The following CFAP43 variants were observed in gnomAD, a reference collection of about 807,000 sequenced individuals.
CFAP43 encodes cilia- and flagella-associated protein 43.
A neutral mutation model predicts 218.9 loss-of-function variants in CFAP43; 155 were observed. The observed-to-expected ratio is 0.71, with a 90% CI of 0.62 to 0.81. CFAP43 has a LOEUF of 0.81. Ranked by LOEUF, CFAP43 falls within the 30% of genes least tolerant of loss-of-function variation. The pLI is 0.00. For missense variants in CFAP43, 1,778 were observed against 1,954.3 expected (o/e 0.91, Z 1.70); for synonymous variants, 645 against 681.3 (o/e 0.95, Z 0.83).
rs141393531 is a variant in CFAP43, at chr10:104,144,986, T to C, written c.3944+490A>G. ...ACGCTGCTTACTCTGTTTCTTACACTTGGAGATCCAAAGGCCAATAATACA... is the reference window on the plus strand; with the variant it reads ...ACGCTGCTTACTCTGTTTCTTACACCTGGAGATCCAAAGGCCAATAATACA... On this transcript the variant is annotated intron_variant, in intron 31 of 37. Transcript: ENST00000357060. Among the ~76,000 whole-genome samples the C allele has an allele frequency of 1.3e-3, 193 of 152,334 alleles. 1 individual carries two copies. Among genetic ancestry groups the C allele is most frequent in the African/African-American group, 4.5e-3 (189 of 41,578 alleles).
At chr10:104,169,771 C>T (rs2134838915) in intron 20 of CFAP43, among the ~76,000 whole-genome samples, 1 of 152,010 alleles carries the variant, frequency 6.6e-6, no homozygotes, top group South Asian at 2.1e-4. Flanking sequence ...TGATTCTGAT[C>T]CAGTGAGTTA....
At chr10:104,216,090 C>T (rs1262883197) in intron 3 of CFAP43, among the ~76,000 whole-genome samples, 1 of 152,216 alleles carries the variant, frequency 6.6e-6, no homozygotes, top group Admixed American at 6.5e-5. Flanking sequence ...TCTCTCCCCT[C>T]TCCTCAGAGT....
intron 17 of CFAP43, among the ~76,000 whole-genome samples, chr10:104,180,739 G>A (rs547913527): frequency 1.3e-4 from 20 of 152,016 alleles, no homozygotes; most frequent in South Asian, 1.0e-3. Context: ...GCCAACCACC[G>A]TCCCCGCCGG....
intron 16 of CFAP43, among the ~76,000 whole-genome samples, chr10:104,184,162 C>A (rs1193389804): frequency 6.6e-6 from 1 of 152,210 alleles, no homozygotes; most frequent in African/African-American, 2.4e-5. Context: ...TCTAGTCTCA[C>A]AGGCTGGATG....
At position 104,147,914 on chromosome 10, in the gene CFAP43, G is replaced by C; in HGVS notation, c.3745C>G (p.Leu1249Val). ...SSREKFLNNY[L>V]TRKQHEKSQT... ...ACTTTCTCGTGCTGTTTCCTTGTAAGGTAGTTGTTCAGGAATTTTTCTCTA... is the reference window on the plus strand; with the variant it reads ...ACTTTCTCGTGCTGTTTCCTTGTAACGTAGTTGTTCAGGAATTTTTCTCTA... The change falls in exon 29 of 38, where the codon CTT (leucine) becomes GTT (valine). Residue 1249 changes from leucine (L) to valine (V), a missense_variant. By Grantham distance (32) the Leu-to-Val change is conservative (BLOSUM62 1). This residue lies in a region of CFAP43 where 1,553 missense variants were observed against 1,685.2 expected (regional missense o/e 0.92). Transcript: ENST00000357060. The C allele has an allele frequency of 6.3e-7, 1 of 1,598,398 alleles. No individual in the cohort carries two copies. The highest frequency in any genetic ancestry group is 1.3e-5 in the African/African-American group (1 of 74,230).
intron 27 of CFAP43, among the ~76,000 whole-genome samples, chr10:104,160,027 A>G (rs1221175494): frequency 6.6e-6 from 1 of 152,166 alleles, no homozygotes. Context: ...CCCAGTCAAT[A>G]GTTTTTCTTT....
chr10:104,189,058 A>G (rs980508843), intron 12 of CFAP43, among the ~76,000 whole-genome samples: 10 of 151,866 alleles, frequency 6.6e-5, no homozygotes, highest in African/African-American at 2.4e-4. Flanking sequence ...CATAAACTCA[A>G]TCTCAACTTT....
chr10:104,147,774 G>A, intron 29 of CFAP43, 117 bp downstream of exon 29: 1 of 549,970 alleles, frequency 1.8e-6, no homozygotes, highest in Admixed American at 4.0e-5. Flanking sequence ...GGATGCACAT[G>A]GTTATGTAGG....
intron 28 of CFAP43, among the ~76,000 whole-genome samples, chr10:104,151,855 T>C (rs1004203214): frequency 6.6e-6 from 1 of 152,200 alleles, no homozygotes; most frequent in African/African-American, 2.4e-5. Context: ...TCCCAGGATT[T>C]TTATAGTTTG....
rs776193577 is a variant in CFAP43 at position 104,227,835 on chromosome 10, C to CTTTT, written c.320-2282_320-2279dup. ...CTCCTCTATTCTACCATGTTTTCTA[C>CTTTT]TTTTTTTTTTTTTTTTTTTTTTTTT... On this transcript the variant is annotated intron_variant, in intron 2 of 37. Coordinates refer to ENST00000357060, the MANE Select transcript of CFAP43 (RefSeq NM_025145.7). Among the ~76,000 whole-genome samples, 59 of 58,366 alleles carry CTTTT rather than the reference C, an allele frequency of 1.0e-3. 3 individuals are homozygous for CTTTT. The highest frequency in any genetic ancestry group is 1.3e-3 in the Non-Finnish European group (43 of 32,776). 38.3% of individuals were successfully genotyped at this position (58,366 alleles called of 152,430 possible). A position where few individuals can be genotyped will look rare whatever the true frequency, so the allele number is the denominator to read the frequency against.
chr10:104,165,944 G>A (rs141745612), intron 23 of CFAP43, among the ~76,000 whole-genome samples: 5 of 152,292 alleles, frequency 3.3e-5, no homozygotes, highest in African/African-American at 4.8e-5. Context: ...AGCTGTTGTG[G>A]AATGTTCTTT....
chr10:104,177,593 T>C (rs992732602), intron 19 of CFAP43, among the ~76,000 whole-genome samples: 1 of 152,084 alleles, frequency 6.6e-6, no homozygotes, highest in Non-Finnish European at 1.5e-5. Flanking sequence ...ATTGCTACTG[T>C]CCATAAAGGC....
At position 104,218,429 on chromosome 10, in the gene CFAP43, A is replaced by G. The variant is rs181159146; in HGVS notation, c.417-4003T>C. Among the ~76,000 whole-genome samples, 250 of 151,912 alleles carry G rather than the reference A, an allele frequency of 1.6e-3. 1 individual carries two copies. Among genetic ancestry groups the G allele is most frequent in the African/African-American group, 5.8e-3 (239 of 41,448 alleles). On this transcript the variant is annotated intron_variant, in intron 3 of 37. Coordinates refer to ENST00000357060, the MANE Select transcript of CFAP43 (RefSeq NM_025145.7). ...TTTTTCAAGTCATAAGCCTTATGCA[A>G]TTCTTCCAAGGTAATAATGTGTTTG... is the stretch of plus-strand genomic sequence containing the variant.
rs2088927867 is a variant in CFAP43 at position 104,162,400 on chromosome 10, T to C, written c.3250A>G (p.Thr1084Ala). ...CACGGCTTAATGTGTTTGTGGGCTGTAATCTGAAAGAGAAAATGTCATTTC... is the reference window on the plus strand; with the variant it reads ...CACGGCTTAATGTGTTTGTGGGCTGCAATCTGAAAGAGAAAATGTCATTTC... ...RTLVVQDEEI[T>A]AHKHIKPWHK... The change falls in exon 25 of 38, where the codon ACA becomes GCA. Residue 1084 changes from threonine (T) to alanine (A), a missense_variant. Thr to Ala is a moderately conservative substitution (Grantham distance 58, BLOSUM62 0). Coordinates refer to ENST00000357060, the MANE Select transcript of CFAP43 (RefSeq NM_025145.7). 2 of 1,613,126 alleles carry C rather than the reference T, an allele frequency of 1.2e-6. No individual in the cohort carries two copies. Among genetic ancestry groups the C allele is most frequent in the African/African-American group, 2.7e-5 (2 of 75,032 alleles).
chr10:104,163,908 T>C (rs1333432011), intron 24 of CFAP43, among the ~76,000 whole-genome samples, 186 bp downstream of exon 24: 3 of 152,356 alleles, frequency 2.0e-5, no homozygotes, highest in South Asian at 2.1e-4. Flanking sequence ...AAATCTTCCC[T>C]GGACTCCACA....
At chr10:104,135,556 C>T (rs1479193034) in intron 34 of CFAP43, among the ~76,000 whole-genome samples, 1 of 151,714 alleles carries the variant, frequency 6.6e-6, no homozygotes, top group African/African-American at 2.4e-5. Flanking sequence ...GATTAATATG[C>T]AAAAATCAGT....
chr10:104,146,153 G>C (rs979349204), intron 30 of CFAP43, 110 bp downstream of exon 30: 27 of 811,500 alleles, frequency 3.3e-5, no homozygotes, highest in African/African-American at 3.3e-4. Context: ...TGAGAATTAA[G>C]TGGGAGAAAA....
chr10:104,191,596 C>A (rs545307075), intron 12 of CFAP43, among the ~76,000 whole-genome samples: 1 of 152,218 alleles, frequency 6.6e-6, no homozygotes, highest in South Asian at 2.1e-4. Context: ...TTTTCCTCCT[C>A]TACTAAATTG....
chr10:104,177,174 C>T (rs1038023894), intron 19 of CFAP43, among the ~76,000 whole-genome samples: 5 of 151,974 alleles, frequency 3.3e-5, no homozygotes, highest in Non-Finnish European at 5.9e-5. Flanking sequence ...AAGAAGAAAA[C>T]ACCTAGGGTC....
Sources: allele counts gnomAD v4.1 joint callset (sites outside exome capture counted in the v4.1 genomes callset), GRCh38; gene constraint gnomAD v4.1.1; regional missense constraint gnomAD v4.1.1; transcripts MANE v1.5; gene names NCBI Gene and HGNC (gene_info 2026-07-23, HGNC 2026-07-21).